Variants in TENM1 observed in about 807,000 individuals in gnomAD.
The protein encoded by TENM1 is teneurin-1.
TENM1 carries 35 observed loss-of-function variants against 174.8 expected under a neutral mutation model. The observed-to-expected ratio is 0.20, with a 90% CI of 0.15 to 0.27. The LOEUF (loss-of-function observed/expected upper bound fraction) is 0.27, where lower values mean the gene tolerates loss of function less well. Among genes scored for constraint, TENM1 ranks in the 10% least tolerant of loss-of-function variants. The pLI, the probability that TENM1 is intolerant of heterozygous loss-of-function variation, is 1.00. For synonymous variants in TENM1, 781 were observed against 798.7 expected (o/e 0.98, Z 0.37); for missense variants, 1,633 against 2,130.1 (o/e 0.77, Z 4.59).
intron 3 of TENM1, among the ~76,000 whole-genome samples, chrX:124,860,418 G>C (rs752760718): frequency 8.9e-6 from 1 of 111,937 alleles, no homozygotes; most frequent in South Asian, 3.7e-4. Flanking sequence ...CATAAAGAAG[G>C]AGAGAGCCAG....
intron 1 of TENM1, among the ~76,000 whole-genome samples, chrX:124,921,580 C>T (rs1251858795): frequency 9.0e-6 from 1 of 111,551 alleles, no homozygotes; most frequent in Non-Finnish European, 1.9e-5. Flanking sequence ...TGCTGGACAT[C>T]CAAGTTGCTT....
intron 6 of TENM1, among the ~76,000 whole-genome samples, chrX:124,658,679 T>G (rs1019840805): frequency 1.8e-5 from 2 of 111,978 alleles, no homozygotes; most frequent in African/African-American, 6.5e-5. Context: ...GTAGAAAAGT[T>G]AATTAACTAA....
intron 1 of TENM1, among the ~76,000 whole-genome samples, chrX:124,932,887 A>C (rs1216063563): frequency 9.0e-6 from 1 of 111,386 alleles, no homozygotes; most frequent in Non-Finnish European, 1.9e-5. Flanking sequence ...CGGAAAAATA[A>C]ATTTTTAAAT....
the TENM1 span, among the ~76,000 whole-genome samples, chrX:124,970,464 A>T: frequency 3.6e-5 from 4 of 112,244 alleles, no homozygotes; most frequent in South Asian, 1.5e-3. Flanking sequence ...ATAAGGACTT[A>T]TTACATTAAT....
chrX:124,885,787 A>G (rs1043588934), intron 3 of TENM1, among the ~76,000 whole-genome samples: 2 of 111,469 alleles, frequency 1.8e-5, no homozygotes, highest in Non-Finnish European at 3.8e-5. Context: ...TTGCCTCTGA[A>G]GTAGCCAAGA....
At chrX:124,646,273 C>G (rs1358888943) in intron 9 of TENM1, among the ~76,000 whole-genome samples, 1 of 112,228 alleles carries the variant, frequency 8.9e-6, no homozygotes, top group Non-Finnish European at 1.9e-5. Context: ...ACCCCTTCCA[C>G]ATACATTGGT....
chrX:124,560,648 A>C (rs1212213902), intron 14 of TENM1, among the ~76,000 whole-genome samples: 1 of 111,619 alleles, frequency 9.0e-6, no homozygotes, highest in Non-Finnish European at 1.9e-5. Flanking sequence ...TAAAGGAAGA[A>C]ACTCTTATAA....
intron 11 of TENM1, 89 bp from the exon 15 acceptor site, chrX:124,565,649 C>A (rs2048924809): frequency 1.8e-6 from 1 of 566,371 alleles, no homozygotes. Flanking sequence ...CCAAAAATCC[C>A]TGTCTATATT....
At chrX:124,624,328 T>C (rs778585120) in intron 11 of TENM1, among the ~76,000 whole-genome samples, 2 of 111,748 alleles carry the variant, frequency 1.8e-5, no homozygotes, top group East Asian at 5.6e-4. Flanking sequence ...TGCCCCTCAA[T>C]TGTCTTCTCT....
chrX:124,827,612 T>C lies in TENM1; in HGVS notation c.535+66684A>G, dbSNP rs749201675. Among the ~76,000 whole-genome samples, 3 of 111,691 alleles carry C rather than the reference T, an allele frequency of 2.7e-5. No individual in the cohort carries two copies. In the South Asian group the frequency reaches 1.1e-3, roughly 42 times the overall value. ...TCTATCCAAGGTCTGTGACCTTCCC[T>C]GTGGTCAAGGTTCACATTATTATTT... On this transcript the variant is annotated intron_variant, in intron 3 of 31. Coordinates refer to ENST00000422452, the Ensembl canonical transcript of TENM1.
At chrX:124,867,788 G>A (rs1239127932) in intron 3 of TENM1, among the ~76,000 whole-genome samples, 1 of 112,220 alleles carries the variant, frequency 8.9e-6, no homozygotes, top group Non-Finnish European at 1.9e-5. Context: ...ATTCAGTAAA[G>A]TTGCAGGATA....
At chrX:125,187,045 G>A in the TENM1 span, among the ~76,000 whole-genome samples, 4 of 111,785 alleles carry the variant, frequency 3.6e-5, no homozygotes, top group African/African-American at 3.3e-5. Context: ...GGTGGATCAC[G>A]AGGTCAGGAG....
chrX:124,407,881 G>C (rs751353968), intron 25 of TENM1, among the ~76,000 whole-genome samples: 1 of 112,310 alleles, frequency 8.9e-6, no homozygotes, highest in African/African-American at 3.2e-5. Context: ...GATTTCAGTC[G>C]AAATGGTTGG....
intron 3 of TENM1, among the ~76,000 whole-genome samples, chrX:124,742,126 T>G (rs1178192024): frequency 8.9e-6 from 1 of 112,004 alleles, no homozygotes; most frequent in Non-Finnish European, 1.9e-5. Flanking sequence ...ATCCATGTAC[T>G]AAATTGATCA....
At chrX:124,457,797 G>A (rs2061126517) in intron 22 of TENM1, among the ~76,000 whole-genome samples, 1 of 111,947 alleles carries the variant, frequency 8.9e-6, no homozygotes, top group Non-Finnish European at 1.9e-5. Flanking sequence ...AATGTTGGCA[G>A]AAGGCATCTC....
intron 17 of TENM1, among the ~76,000 whole-genome samples, chrX:124,521,331 C>T (rs1450659519): frequency 8.9e-6 from 1 of 111,873 alleles, no homozygotes; most frequent in Non-Finnish European, 1.9e-5. Context: ...TTAATCTTTA[C>T]CGATGCCATC....
the TENM1 span, among the ~76,000 whole-genome samples, chrX:125,201,609 G>A: frequency 1.8e-5 from 2 of 112,013 alleles, no homozygotes; most frequent in Non-Finnish European, 3.8e-5. Context: ...TCTTCATAGA[G>A]TTGTTTTATA....
intron 20 of TENM1, among the ~76,000 whole-genome samples, chrX:124,489,929 G>T (rs2047029812): frequency 9.0e-6 from 1 of 111,334 alleles, no homozygotes; most frequent in Non-Finnish European, 1.9e-5. Flanking sequence ...TGACTTCTCA[G>T]GTCTTCCAAC....
chrX:125,143,063 T>C, the TENM1 span, among the ~76,000 whole-genome samples: 1 of 111,821 alleles, frequency 8.9e-6, no homozygotes, highest in African/African-American at 3.2e-5. Context: ...TTTGATAATC[T>C]CATAAAAAGG....
Sources: allele counts gnomAD v4.1 joint callset (sites outside exome capture counted in the v4.1 genomes callset), GRCh38; gene constraint gnomAD v4.1.1; transcripts MANE v1.5; gene names NCBI Gene and HGNC (gene_info 2026-07-23, HGNC 2026-07-21).